The following DUSP13B variants were observed in gnomAD, a reference collection of about 807,000 sequenced individuals.
The protein encoded by DUSP13B is dual specificity protein phosphatase 13B.
chr10:75,094,697 C>T, the DUSP13B span: 1 of 1,613,974 alleles, frequency 6.2e-7, no homozygotes, highest in Admixed American at 1.7e-5. Context: ...CCGTCTCCCG[C>T]CCCAGTCGGT....
At chr10:75,108,286 G>A in the DUSP13B span, 1 of 1,514,702 alleles carries the variant, frequency 6.6e-7, no homozygotes, top group Non-Finnish European at 8.8e-7. Context: ...GCCCCCTGCT[G>A]CAGAGGGACC....
the DUSP13B span, among the ~76,000 whole-genome samples, chr10:75,102,443 A>T: frequency 6.6e-6 from 1 of 152,186 alleles, no homozygotes; most frequent in South Asian, 2.1e-4. Flanking sequence ...ACTCCGTCTC[A>T]AAAAGAAAAA....
chr10:75,108,161 G>T, the DUSP13B span: 1 of 1,612,590 alleles, frequency 6.2e-7, no homozygotes, highest in Non-Finnish European at 8.5e-7. Flanking sequence ...CGTTCAGCAC[G>T]TGGGTGATGC....
At chr10:75,098,203 A>G in the DUSP13B span, among the ~76,000 whole-genome samples, 2 of 152,192 alleles carry the variant, frequency 1.3e-5, no homozygotes, top group African/African-American at 2.4e-5. Flanking sequence ...GTCAGTGCAG[A>G]TCTCATCCCT....
chr10:75,098,192 A>G, the DUSP13B span, among the ~76,000 whole-genome samples: 1 of 152,194 alleles, frequency 6.6e-6, no homozygotes, highest in African/African-American at 2.4e-5. Flanking sequence ...TTGTGGCACT[A>G]GTCAGTGCAG....
the DUSP13B span, among the ~76,000 whole-genome samples, chr10:75,108,767 T>G: frequency 1.3e-5 from 2 of 152,130 alleles, no homozygotes; most frequent in Non-Finnish European, 2.9e-5. Flanking sequence ...CTGGAAATGT[T>G]TCCTGGAACT....
chr10:75,100,769 C>T, the DUSP13B span, among the ~76,000 whole-genome samples: 1 of 152,208 alleles, frequency 6.6e-6, no homozygotes, highest in Admixed American at 6.5e-5. Flanking sequence ...AGTCCATGCA[C>T]TTCTTTTCTG....
the DUSP13B span, chr10:75,094,727 C>T: frequency 6.2e-7 from 1 of 1,614,160 alleles, no homozygotes; most frequent in Non-Finnish European, 8.5e-7. Flanking sequence ...CCTGGAGCTG[C>T]CGGAGGAAGC....
chr10:75,095,595 G>T, the DUSP13B span: 1 of 1,614,106 alleles, frequency 6.2e-7, no homozygotes. Context: ...ACTGAGGGCA[G>T]CTCGGATGTA....
chr10:75,103,904 T>C, the DUSP13B span: 6 of 1,310,550 alleles, frequency 4.6e-6, no homozygotes, highest in African/African-American at 7.5e-5. Flanking sequence ...CTGTGGAGAC[T>C]GAAGACAGTG....
the DUSP13B span, chr10:75,101,845 C>CA: frequency 7.3e-7 from 1 of 1,362,880 alleles, no homozygotes; most frequent in Non-Finnish European, 9.8e-7. Flanking sequence ...CTACCCCCCC[C>CA]AAATTAGGAG....
the DUSP13B span, among the ~76,000 whole-genome samples, chr10:75,107,007 CTGAG>C: frequency 9.8e-5 from 15 of 152,304 alleles, no homozygotes; most frequent in African/African-American, 3.6e-4. Flanking sequence ...ATGCTGTATC[CTGAG>C]TATTTGAAGA....
chr10:75,108,130 A>G, the DUSP13B span: 1 of 1,613,668 alleles, frequency 6.2e-7, no homozygotes, highest in South Asian at 1.1e-5. Context: ...CCGCCCTGAC[A>G]GTAGAGGCCC....
chr10:75,102,727 C>T, the DUSP13B span, among the ~76,000 whole-genome samples: 9 of 152,028 alleles, frequency 5.9e-5, no homozygotes, highest in Admixed American at 2.6e-4. Flanking sequence ...CCGAGGTGGG[C>T]GGATCACCTG....
At chr10:75,099,494 A>C in the DUSP13B span, 1 of 1,232,092 alleles carries the variant, frequency 8.1e-7, no homozygotes, top group Middle Eastern at 3.1e-4. Context: ...CCTGAGCGGA[A>C]CAGGGCTGGG....
chr10:75,097,986 T>A, the DUSP13B span: 3 of 1,096,370 alleles, frequency 2.7e-6, no homozygotes, highest in Non-Finnish European at 2.5e-6. Context: ...GCCACGGGGA[T>A]GCTGCAGGAA....
the DUSP13B span, among the ~76,000 whole-genome samples, chr10:75,096,576 C>CAAA: frequency 1.2e-5 from 1 of 80,834 alleles, no homozygotes; most frequent in African/African-American, 4.8e-5. Flanking sequence ...GACCCCGCCT[C>CAAA]AAAAAAAAAA....
At chr10:75,097,605 G>A in the DUSP13B span, 948 of 1,071,678 alleles carry the variant, frequency 8.8e-4, no homozygotes, top group Non-Finnish European at 1.2e-3. Flanking sequence ...TGGGAGGCAA[G>A]CGTGCCACCT....
the DUSP13B span, among the ~76,000 whole-genome samples, chr10:75,101,050 T>A: frequency 1.3e-5 from 2 of 152,350 alleles, no homozygotes; most frequent in East Asian, 3.9e-4. Context: ...ACAGGCCATG[T>A]GGGGCTGGAG....
Sources: allele counts gnomAD v4.1 joint callset (sites outside exome capture counted in the v4.1 genomes callset), GRCh38; gene constraint gnomAD v4.1.1; transcripts MANE v1.5; gene names NCBI Gene and HGNC (gene_info 2026-07-23, HGNC 2026-07-21).